Variants in SANBR observed in about 807,000 individuals in gnomAD.
The protein encoded by SANBR is SANT and BTB domain regulator of CSR, also known as SANT and BTB domain regulator of class switch recombination.
SANBR carries 77 observed loss-of-function variants against 101.8 expected under a neutral mutation model. The observed-to-expected ratio is 0.76, with a 90% confidence interval of 0.63 to 0.91. The LOEUF is 0.91. Among genes scored for constraint, SANBR ranks in the 40% least tolerant of loss-of-function variants. The probability of loss-of-function intolerance (pLI) is 0.00; values close to 1 mark genes in which losing one functional copy is unlikely to be tolerated. For synonymous variants in SANBR, 279 were observed against 274.7 expected (o/e 1.02, Z -0.15); for missense variants, 875 against 853.0 (o/e 1.03, Z -0.32).
intron 10 of SANBR, among the ~76,000 whole-genome samples, chr2:61,092,055 G>A (rs931119153): frequency 6.6e-6 from 1 of 152,188 alleles, no homozygotes. Flanking sequence ...TATAACATAT[G>A]CAATTAGAAT....
At chr2:61,111,179 C>G (rs6545843) in intron 16 of SANBR, among the ~76,000 whole-genome samples, 9,517 of 152,060 alleles carry the variant, frequency 0.063, 1,033 homozygotes, top group African/African-American at 0.22. Flanking sequence ...GGATCACGAG[C>G]TCAGAAGATC....
At chr2:61,127,158 T>C (rs989684942), downstream of SANBR, among the ~76,000 whole-genome samples, 2 of 152,210 alleles carry the variant, frequency 1.3e-5, no homozygotes, top group African/African-American at 4.8e-5. Context: ...CCTGGTCTTC[T>C]TGACTACTGC....
chr2:61,075,841 T>G (rs1337383918), intron 5 of SANBR, among the ~76,000 whole-genome samples: 2 of 151,968 alleles, frequency 1.3e-5, no homozygotes, highest in Non-Finnish European at 2.9e-5. Flanking sequence ...TTTTCCTTTT[T>G]AAAAAAATCT....
chr2:61,098,342 G>A (rs1017458756), intron 12 of SANBR, among the ~76,000 whole-genome samples: 27 of 152,022 alleles, frequency 1.8e-4, no homozygotes, highest in African/African-American at 5.6e-4. Flanking sequence ...GAGCTGAAGC[G>A]ATCTGCCTGC....
intron 10 of SANBR, among the ~76,000 whole-genome samples, chr2:61,092,139 A>G (rs894750258): frequency 6.6e-6 from 1 of 152,234 alleles, no homozygotes; most frequent in African/African-American, 2.4e-5. Flanking sequence ...GTAATCCTTT[A>G]TCTAGCTTAG....
chr2:61,083,062 A>T, intron 7 of SANBR, 92 bp from the exon 8 acceptor site: 1 of 1,030,466 alleles, frequency 9.7e-7, no homozygotes, highest in Non-Finnish European at 1.5e-6. Flanking sequence ...TATATGGATT[A>T]GACTTTTAAT....
At chr2:61,077,226 A>G (rs1480491612) in intron 6 of SANBR, 68 bp downstream of exon 6, 1 of 1,115,012 alleles carries the variant, frequency 9.0e-7, no homozygotes, top group South Asian at 1.3e-5. Flanking sequence ...CTTCAGGCCA[A>G]AAGTGAAATG....
At chr2:61,125,229 C>A (rs1396443176), downstream of SANBR, among the ~76,000 whole-genome samples, 1 of 152,164 alleles carries the variant, frequency 6.6e-6, no homozygotes, top group African/African-American at 2.4e-5. Flanking sequence ...GTAAGCCCTC[C>A]ATAAATGTTT....
In SANBR at chr2:61,112,736, C is replaced by A. The variant is rs141450554; in HGVS notation, c.1745-3243C>A. Among the ~76,000 whole-genome samples the A allele has an allele frequency of 2.8e-3, 426 of 152,292 alleles. 1 individual carries two copies. The highest frequency in any genetic ancestry group is 8.6e-3 in the African/African-American group (358 of 41,570). On this transcript the variant is annotated intron_variant, in intron 16 of 21. Coordinates refer to ENST00000402291, the MANE Select transcript of SANBR (RefSeq NM_001129993.3). ...CTCGAACTCCTGACCTCAGGTGATC[C>A]GCCTGCCTCGGCCTCCCAACTGCTG...
downstream of SANBR, among the ~76,000 whole-genome samples, chr2:61,129,251 C>A (rs1296677065): frequency 6.6e-6 from 1 of 151,968 alleles, no homozygotes; most frequent in Non-Finnish European, 1.5e-5. Context: ...TGAGACCAGC[C>A]TGGCCAACGT....
At chr2:61,089,273 G>T in intron 10 of SANBR, 2 of 769,198 alleles carry the variant, frequency 2.6e-6, no homozygotes, top group African/African-American at 3.8e-5. Flanking sequence ...CACTTTGGGA[G>T]GCCAAGTCAG....
chr2:61,103,695 G>A (rs921465107), intron 12 of SANBR, among the ~76,000 whole-genome samples, 158 bp from the exon 13 acceptor site: 4 of 152,306 alleles, frequency 2.6e-5, no homozygotes, highest in African/African-American at 9.6e-5. Context: ...ATACAGTTAT[G>A]ATTGAATCTC....
chr2:61,106,390 C>CAAAA (rs11364653), intron 13 of SANBR, among the ~76,000 whole-genome samples, 173 bp from the exon 14 acceptor site: 18 of 63,236 alleles, frequency 2.8e-4, no homozygotes, highest in Admixed American at 6.7e-4. Flanking sequence ...GACTCCATCT[C>CAAAA]AAAAAAAAAA....
rs200683417 is a variant in SANBR, at chr2:61,097,900, C to T, written c.1365+48C>T. On this transcript the variant is annotated intron_variant, in intron 12 of 21. Transcript: ENST00000402291. ...AGTAGCTACAGTTTTTAAAGTATAACAGTAATACATTAATGTATAAAAGAC... is the reference window on the plus strand; with the variant it reads ...AGTAGCTACAGTTTTTAAAGTATAATAGTAATACATTAATGTATAAAAGAC... 85 of 1,483,810 alleles carry T rather than the reference C, an allele frequency of 5.7e-5. No homozygotes were observed. In the African/African-American group the frequency reaches 1.1e-3, roughly 18 times the overall value. 91.9% of individuals were successfully genotyped at this position (1,483,810 alleles called of 1,614,324 possible).
chr2:61,075,757 A>G (rs1411076463), intron 5 of SANBR, among the ~76,000 whole-genome samples: 1 of 151,778 alleles, frequency 6.6e-6, no homozygotes, highest in Non-Finnish European at 1.5e-5. Flanking sequence ...CCTAGAAGCA[A>G]ACTGTTTTGC....
chr2:61,096,908 C>A (rs1054262763), intron 11 of SANBR, among the ~76,000 whole-genome samples: 12 of 152,210 alleles, frequency 7.9e-5, no homozygotes, highest in African/African-American at 2.9e-4. Flanking sequence ...AATCCCAGCA[C>A]TTTGGGAGGC....
At chr2:61,122,052 A>G in intron 21 of SANBR, 74 bp from the exon 22 acceptor site, 1 of 1,522,980 alleles carries the variant, frequency 6.6e-7, no homozygotes, top group South Asian at 1.3e-5. Context: ...CCAAGCCAAC[A>G]TAATCTAAAG....
chr2:61,066,873 TA>T (rs1681203218), intron 1 of SANBR, among the ~76,000 whole-genome samples: 1 of 152,172 alleles, frequency 6.6e-6, no homozygotes, highest in Non-Finnish European at 1.5e-5. Flanking sequence ...AGTATGTTCT[TA>T]AAAAATGAAG....
chr2:61,113,850 G>A (rs545899783), intron 16 of SANBR, among the ~76,000 whole-genome samples: 3 of 152,258 alleles, frequency 2.0e-5, no homozygotes, highest in South Asian at 2.1e-4. Context: ...GTCTTTAATC[G>A]TTAAGTATGT....
Sources: allele counts gnomAD v4.1 joint callset (sites outside exome capture counted in the v4.1 genomes callset), GRCh38; gene constraint gnomAD v4.1.1; transcripts MANE v1.5; gene names NCBI Gene and HGNC (gene_info 2026-07-23, HGNC 2026-07-21).